NBPF8: variants seen among roughly 807,000 people sequenced by gnomAD.
The protein encoded by NBPF8 is NBPF family member NBPF8.
chr1:120,465,486 A>C lies in NBPF8; in HGVS notation n.3568+115A>C, dbSNP rs1197744971. On this transcript the variant is annotated intron_variant and non_coding_transcript_variant, in intron 24 of 24. Coordinates refer to ENST00000583271, the Ensembl canonical transcript of NBPF8. ...TTTCAACGAAGACTGAATTACTCCTACTGTCATTGCTGTTGGTTTTCATTG... is the reference window on the plus strand; with the variant it reads ...TTTCAACGAAGACTGAATTACTCCTCCTGTCATTGCTGTTGGTTTTCATTG... 94 of 491,464 alleles carry C rather than the reference A, an allele frequency of 1.9e-4. 4 individuals are homozygous for C. The East Asian group carries it at 2.2e-3, about 12-fold the overall frequency. 30.4% of individuals were successfully genotyped at this position (491,464 alleles called of 1,614,324 possible). A position where few individuals can be genotyped will look rare whatever the true frequency, so the allele number is the denominator to read the frequency against.
chr1:120,415,107 A>C (rs1348860114), upstream of NBPF8, among the ~76,000 whole-genome samples: 2 of 151,454 alleles, frequency 1.3e-5, no homozygotes, highest in African/African-American at 4.9e-5. Context: ...CGGTATTGGG[A>C]GGGGTAGGTG....
intron 3 of NBPF8, among the ~76,000 whole-genome samples, chr1:120,430,919 G>A (rs1308430231): frequency 5.3e-5 from 8 of 151,568 alleles, no homozygotes; most frequent in South Asian, 2.1e-4. Context: ...TCAGTTCTTC[G>A]TAAATTGATC....
Position 120,454,130 on chromosome 1 carries a change from C to G in NBPF8, n.2568+16C>G. 7 of 1,611,742 alleles carry G rather than the reference C, an allele frequency of 4.3e-6. No individual in the cohort carries two copies. The highest frequency in any genetic ancestry group is 2.5e-6 in the Non-Finnish European group (3 of 1,179,212). ...ATTATTCCAGGTAGCCTCTGTTTTCCTTGTGTCTCATACCTCTCTCTAGGC... is the reference window on the plus strand; with the variant it reads ...ATTATTCCAGGTAGCCTCTGTTTTCGTTGTGTCTCATACCTCTCTCTAGGC... On this transcript the variant is annotated intron_variant and non_coding_transcript_variant, in intron 15 of 24. Transcript: ENST00000583271.
upstream of NBPF8, among the ~76,000 whole-genome samples, chr1:120,418,490 G>T (rs1660485627): frequency 6.7e-6 from 1 of 148,602 alleles, no homozygotes; most frequent in East Asian, 2.0e-4. Context: ...CCATTTAAAG[G>T]GCCGACGTGA....
chr1:120,466,037 G>T (rs1371938119), exon 25 of NBPF8: 25 of 1,611,866 alleles, frequency 1.6e-5, no homozygotes, highest in African/African-American at 1.2e-4. Context: ...TCACTGGATA[G>T]ATGTTATTCG....
chr1:120,451,934 A>T (rs1189340832), intron 12 of NBPF8, among the ~76,000 whole-genome samples, 183 bp from the exon 11 acceptor site: 6 of 152,146 alleles, frequency 3.9e-5, no homozygotes, highest in South Asian at 4.2e-4. Context: ...TCTCTGTGAT[A>T]CAGAGGAAGC....
chr1:120,456,987 T>C (rs1188828767), intron 16 of NBPF8, among the ~76,000 whole-genome samples: 10 of 149,902 alleles, frequency 6.7e-5, no homozygotes, highest in Non-Finnish European at 1.5e-4. Flanking sequence ...AGCATTTGCT[T>C]CTCTGTAAAG....
chr1:120,428,310 T>G (rs1423673876), intron 3 of NBPF8, among the ~76,000 whole-genome samples: 1 of 152,192 alleles, frequency 6.6e-6, no homozygotes, highest in Non-Finnish European at 1.5e-5. Context: ...GTTTTTCAAC[T>G]GGACGCCTTA....
chr1:120,452,832 T>C (rs1661322424), intron 13 of NBPF8, among the ~76,000 whole-genome samples: 1 of 152,074 alleles, frequency 6.6e-6, no homozygotes, highest in African/African-American at 2.4e-5. Flanking sequence ...GCCCTCGCCG[T>C]GTGATGTTGG....
At chr1:120,446,268 T>G (rs1213807767) in intron 8 of NBPF8, among the ~76,000 whole-genome samples, 1 of 87,428 alleles carries the variant, frequency 1.1e-5, no homozygotes, top group Non-Finnish European at 2.3e-5. Context: ...AGGTGGTCTT[T>G]GGAGCAAGAG....
chr1:120,435,808 G>T (rs1252998777), upstream of NBPF8, among the ~76,000 whole-genome samples: 1 of 151,750 alleles, frequency 6.6e-6, no homozygotes, highest in East Asian at 1.9e-4. Flanking sequence ...AGAGCTTGCA[G>T]TGAGCCTAGA....
chr1:120,464,624 C>A, intron 23 of NBPF8, 76 bp downstream of exon 21: 1 of 769,496 alleles, frequency 1.3e-6, no homozygotes, highest in Non-Finnish European at 2.4e-6. Flanking sequence ...CTCCAAGTGG[C>A]CATTACTGAG....
At chr1:120,430,628 C>T (rs1371370671) in intron 3 of NBPF8, among the ~76,000 whole-genome samples, 2 of 146,308 alleles carry the variant, frequency 1.4e-5, no homozygotes, top group African/African-American at 2.6e-5. Context: ...GTGGCATGTG[C>T]CTGTAGTCCA....
intron 23 of NBPF8, 80 bp from the exon 22 acceptor site, chr1:120,465,183 G>C: frequency 3.2e-6 from 1 of 315,154 alleles, no homozygotes; most frequent in South Asian, 2.3e-5. Context: ...TGAGGTCCCT[G>C]TGTGAGGATT....
intron 13 of NBPF8, among the ~76,000 whole-genome samples, 194 bp downstream of exon 11, chr1:120,452,525 G>C (rs1439160125): frequency 6.6e-6 from 1 of 152,060 alleles, no homozygotes; most frequent in Non-Finnish European, 1.5e-5. Flanking sequence ...AGTATTGCAA[G>C]TGTCCCTCCT....
chr1:120,429,692 AC>A (rs1660822477), intron 3 of NBPF8, among the ~76,000 whole-genome samples: 1 of 145,478 alleles, frequency 6.9e-6, no homozygotes, highest in Admixed American at 6.9e-5. Flanking sequence ...TGTTGGAGTC[AC>A]CATAGTGGGA....
At chr1:120,460,168 G>A (rs1273467602) in intron 17 of NBPF8, among the ~76,000 whole-genome samples, 5 of 152,148 alleles carry the variant, frequency 3.3e-5, no homozygotes, top group Non-Finnish European at 1.5e-5. Flanking sequence ...CTGGTACATT[G>A]CACCCCCTCA....
chr1:120,415,107 AG>A (rs1660392477), upstream of NBPF8, among the ~76,000 whole-genome samples: 1 of 151,454 alleles, frequency 6.6e-6, no homozygotes, highest in Non-Finnish European at 1.5e-5. Context: ...CGGTATTGGG[AG>A]GGGTAGGTGA....
chr1:120,452,283 G>A (rs1661300687), exon 13 of NBPF8: 1 of 1,416,966 alleles, frequency 7.1e-7, no homozygotes, highest in East Asian at 2.3e-5. Flanking sequence ...AGAACAGCTG[G>A]CTGAGGGGTG....
Sources: allele counts gnomAD v4.1 joint callset (sites outside exome capture counted in the v4.1 genomes callset), GRCh38; gene constraint gnomAD v4.1.1; transcripts MANE v1.5; gene names NCBI Gene and HGNC (gene_info 2026-07-23, HGNC 2026-07-21).